GALNT13: variants seen among roughly 807,000 people sequenced by gnomAD.
GALNT13 encodes the protein polypeptide N-acetylgalactosaminyltransferase 13.
A neutral mutation model predicts 64.2 loss-of-function variants in GALNT13; 28 were observed. The ratio of observed to expected loss-of-function variants is 0.44; its 90% CI spans 0.32 to 0.60. The LOEUF (loss-of-function observed/expected upper bound fraction) is 0.60. Ranked by LOEUF, GALNT13 falls within the 20% of genes least tolerant of loss-of-function variation. GALNT13 has a pLI of 0.05. For missense variants in GALNT13, 577 were observed against 669.8 expected, an observed-to-expected ratio of 0.86 and a Z score of 1.53; for synonymous variants, 214 against 224.6, an observed-to-expected ratio of 0.95 and a Z score of 0.42.
At chr2:154,319,452 G>T (rs996353612) in intron 9 of GALNT13, among the ~76,000 whole-genome samples, 1 of 151,974 alleles carries the variant, frequency 6.6e-6, no homozygotes, top group African/African-American at 2.4e-5. Context: ...GATCACTTGA[G>T]GTCATCAGTA....
chr2:153,477,972 A>T, the GALNT13 span: 6 of 500,480 alleles, frequency 1.2e-5, no homozygotes, highest in South Asian at 1.8e-4. Context: ...AGTAAGTAGC[A>T]GCTTCCAAAG....
the GALNT13 span, among the ~76,000 whole-genome samples, chr2:153,410,563 A>G: frequency 1.3e-5 from 2 of 152,218 alleles, no homozygotes; most frequent in Non-Finnish European, 2.9e-5. Flanking sequence ...AAGGGAGGAA[A>G]GAGAAAGACA....
At chr2:154,111,348 G>A (rs1312302323) in intron 3 of GALNT13, among the ~76,000 whole-genome samples, 1 of 152,134 alleles carries the variant, frequency 6.6e-6, no homozygotes, top group Non-Finnish European at 1.5e-5. Context: ...CACCCTGATA[G>A]ATCTCCTATA....
the GALNT13 span, among the ~76,000 whole-genome samples, chr2:153,278,877 T>G: frequency 6.6e-6 from 1 of 152,196 alleles, no homozygotes; most frequent in Non-Finnish European, 1.5e-5. Context: ...AACAGTTTTT[T>G]TCTAGTTCTG....
At chr2:153,533,397 A>G in the GALNT13 span, among the ~76,000 whole-genome samples, 3 of 151,888 alleles carry the variant, frequency 2.0e-5, no homozygotes, top group Non-Finnish European at 4.4e-5. Flanking sequence ...GATTACAGGC[A>G]ACTGCCACCA....
rs1272435878 is a variant in GALNT13, at chr2:154,366,018, T to C, written c.1157-29973T>C. On this transcript the variant is annotated intron_variant, in intron 9 of 12. Coordinates refer to ENST00000392825, the MANE Select transcript of GALNT13 (RefSeq NM_052917.4). ...TAGAGTACTTAAGAACTAAATATCA[T>C]TGATGAGAACTAAAGCCTGTTGATG... 1.2e-4 allele frequency among the ~76,000 whole-genome samples: 18 copies of C among 152,164 alleles called. 1 individual carries two copies. Among genetic ancestry groups the C allele is most frequent in the Admixed American group, 1.2e-3 (18 of 15,266 alleles).
At chr2:153,181,763 T>G in the GALNT13 span, among the ~76,000 whole-genome samples, 1 of 145,704 alleles carries the variant, frequency 6.9e-6, no homozygotes, top group East Asian at 1.9e-4. Context: ...TATATGTATA[T>G]AATACAAATA....
the GALNT13 span, among the ~76,000 whole-genome samples, chr2:153,202,231 G>T: frequency 6.6e-6 from 1 of 151,674 alleles, no homozygotes. Context: ...TGATCCACCC[G>T]CCTCGGCCTC....
Position 153,894,883 on chromosome 2 carries a change from A to G in GALNT13, c.-176-6053A>G, listed in dbSNP as rs141621813. ...ACATGCTGTTCTGATCAACCAGCAA[A>G]GAATATGTAGTCTTGTGTAAAGGGA... On this transcript the variant is annotated intron_variant, in intron 1 of 12. Transcript: ENST00000392825. Among the ~76,000 whole-genome samples, 774 of 152,244 alleles carry G rather than the reference A, an allele frequency of 5.1e-3. 8 individuals carry two copies. Among genetic ancestry groups the G allele is most frequent in the African/African-American group, 0.018 (742 of 41,554 alleles).
the GALNT13 span, among the ~76,000 whole-genome samples, chr2:153,299,885 C>T: frequency 6.6e-6 from 1 of 152,156 alleles, no homozygotes; most frequent in Admixed American, 6.5e-5. Flanking sequence ...GTCTTTTGTT[C>T]TCATTCTGTC....
At chr2:153,240,504 G>GTA in the GALNT13 span, among the ~76,000 whole-genome samples, 15 of 152,196 alleles carry the variant, frequency 9.9e-5, no homozygotes, top group African/African-American at 3.6e-4. Context: ...GCCAGTTGAA[G>GTA]TATCCACTTT....
chr2:153,875,608 G>A (rs1335555678), intron 1 of GALNT13, among the ~76,000 whole-genome samples: 2 of 152,044 alleles, frequency 1.3e-5, no homozygotes, highest in African/African-American at 2.4e-5. Flanking sequence ...TAAAGACTTC[G>A]GGATTTTAGG....
chr2:153,656,572 A>AT, the GALNT13 span, among the ~76,000 whole-genome samples: 1 of 152,132 alleles, frequency 6.6e-6, no homozygotes, highest in Non-Finnish European at 1.5e-5. Context: ...AAAAGGAAAC[A>AT]TTTTTGTTAG....
chr2:153,447,636 T>C, the GALNT13 span, among the ~76,000 whole-genome samples: 34,323 of 152,048 alleles, frequency 0.23, 4,100 homozygotes, highest in Non-Finnish European at 0.25. Flanking sequence ...TATAGTTTTA[T>C]TGGTTATATA....
At chr2:153,179,563 T>C in the GALNT13 span, among the ~76,000 whole-genome samples, 1 of 152,074 alleles carries the variant, frequency 6.6e-6, no homozygotes, top group Non-Finnish European at 1.5e-5. Context: ...GAATTTTAGG[T>C]TTGTATTTTT....
At chr2:153,439,310 G>T in the GALNT13 span, among the ~76,000 whole-genome samples, 1 of 152,192 alleles carries the variant, frequency 6.6e-6, no homozygotes, top group African/African-American at 2.4e-5. Context: ...CAGATCTCCA[G>T]CTGCGTGCTG....
At chr2:153,352,100 T>A in the GALNT13 span, among the ~76,000 whole-genome samples, 1 of 152,180 alleles carries the variant, frequency 6.6e-6, no homozygotes. Flanking sequence ...TTCCTGTTGT[T>A]CCACATCCTC....
chr2:153,656,289 G>A, the GALNT13 span, among the ~76,000 whole-genome samples: 12 of 150,990 alleles, frequency 7.9e-5, no homozygotes, highest in East Asian at 2.3e-3. Flanking sequence ...TTTGTTATAT[G>A]TTTGACCACT....
chr2:153,799,511 G>A, the GALNT13 span, among the ~76,000 whole-genome samples: 1 of 152,130 alleles, frequency 6.6e-6, no homozygotes, highest in Non-Finnish European at 1.5e-5. Context: ...CAATCACCAT[G>A]TCAGGTCTCA....
Sources: allele counts gnomAD v4.1 joint callset (sites outside exome capture counted in the v4.1 genomes callset), GRCh38; gene constraint gnomAD v4.1.1; transcripts MANE v1.5; gene names NCBI Gene and HGNC (gene_info 2026-07-23, HGNC 2026-07-21).